The following ZNF362 variants were observed in gnomAD, a reference collection of about 807,000 sequenced individuals.
The protein encoded by ZNF362 is zinc finger protein 362.
In ZNF362, 11 loss-of-function variants were observed where a neutral mutation model predicts 42.9. The observed-to-expected ratio is 0.26, with a 90% confidence interval of 0.16 to 0.42. The LOEUF is 0.42. Ranked by LOEUF, ZNF362 falls within the 20% of genes least tolerant of loss-of-function variation. ZNF362 has a pLI of 1.00. For synonymous variants in ZNF362, 255 were observed against 257.3 expected (o/e 0.99, Z 0.09); for missense variants, 362 against 576.2 (o/e 0.63, Z 3.81).
chr1:33,127,884 G>A, the ZNF362 span, among the ~76,000 whole-genome samples: 80 of 152,128 alleles, frequency 5.3e-4, no homozygotes, highest in African/African-American at 1.8e-3. Flanking sequence ...TCAATTAATC[G>A]ACACAGGCCT....
At chr1:33,284,420 A>C (rs1646017803) in intron 6 of ZNF362, among the ~76,000 whole-genome samples, 1 of 152,270 alleles carries the variant, frequency 6.6e-6, no homozygotes, top group Non-Finnish European at 1.5e-5. Context: ...ATTCTTACAG[A>C]TCCTGTTTAC....
chr1:33,129,955 G>C, the ZNF362 span, among the ~76,000 whole-genome samples: 1 of 152,114 alleles, frequency 6.6e-6, no homozygotes, highest in Non-Finnish European at 1.5e-5. The surrounding 1 kb of genome is among the most constrained non-coding windows in gnomAD (Gnocchi z 4.1). Context: ...TGCCTCCCGG[G>C]TTCAAGCGAT....
At position 33,281,609 on chromosome 1, in the gene ZNF362, T is replaced by C; in HGVS notation, c.706T>C (p.Phe236Leu). Residue 236 changes from phenylalanine (F) to leucine (L), a missense_variant, in exon 6 of 9, where the codon TTT becomes CTT. Around this residue, in one of 3 missense-constraint regions of ZNF362, gnomAD observed 266 missense variants for 365.4 expected, o/e 0.73. Transcript: ENST00000539719. This position sits in a 1 kb window ranked among gnomAD's most constrained non-coding sequence, Gnocchi z 4.8. ...CAGGTGTAAGGTATGCCCACTGACC[T>C]TTTTCACCAAGTCAGAGATGCAGAT... The part of the protein sequence containing the change: ...TYRCKVCPLT[F>L]FTKSEMQIHS... The C allele has an allele frequency of 1.1e-5, 18 of 1,614,096 alleles. No homozygotes were observed. Among genetic ancestry groups the C allele is most frequent in the Non-Finnish European group, 1.5e-5 (18 of 1,179,976 alleles).
At chr1:33,248,307 C>T in the ZNF362 span, among the ~76,000 whole-genome samples, 1 of 152,222 alleles carries the variant, frequency 6.6e-6, no homozygotes. Flanking sequence ...CTCTGCCCTC[C>T]TGCCCATTTC....
intron 1 of ZNF362, among the ~76,000 whole-genome samples, chr1:33,264,360 T>C (rs1437867661): frequency 6.6e-6 from 1 of 152,140 alleles, no homozygotes; most frequent in African/African-American, 2.4e-5. Flanking sequence ...CTTTGGAATG[T>C]TGGGAAAGGC....
the ZNF362 span, among the ~76,000 whole-genome samples, chr1:33,150,079 C>T: frequency 6.6e-6 from 1 of 152,222 alleles, no homozygotes; most frequent in African/African-American, 2.4e-5. Context: ...ACTCTCTGCT[C>T]CCTGAGGGAG....
chr1:33,155,749 AG>A, the ZNF362 span, among the ~76,000 whole-genome samples: 1 of 152,210 alleles, frequency 6.6e-6, no homozygotes, highest in Non-Finnish European at 1.5e-5. Flanking sequence ...TCTCCTCTAA[AG>A]GACATCGTGC....
chr1:33,216,579 C>A, the ZNF362 span, among the ~76,000 whole-genome samples: 1 of 109,008 alleles, frequency 9.2e-6, no homozygotes, highest in African/African-American at 3.4e-5. Flanking sequence ...CAGCGTGGGC[C>A]ACAGAGCAAG....
chr1:33,165,752 G>A, the ZNF362 span: 8 of 433,298 alleles, frequency 1.8e-5, no homozygotes, highest in Admixed American at 4.3e-5. This position sits in a 1 kb window ranked among gnomAD's most constrained non-coding sequence, Gnocchi z 4.0. Context: ...TCCAGAACCC[G>A]TCCGTATCTT....
At chr1:33,250,607 G>T in the ZNF362 span, among the ~76,000 whole-genome samples, 2 of 152,182 alleles carry the variant, frequency 1.3e-5, no homozygotes, top group South Asian at 4.1e-4. Flanking sequence ...GGGAGGGAGA[G>T]CATCAGGAAG....
At chr1:33,167,177 T>A in the ZNF362 span, among the ~76,000 whole-genome samples, 1 of 152,210 alleles carries the variant, frequency 6.6e-6, no homozygotes, top group Non-Finnish European at 1.5e-5. This position sits in a 1 kb window ranked among gnomAD's most constrained non-coding sequence, Gnocchi z 4.2. Context: ...TTGAAGAGTC[T>A]TGCCTGACCG....
chr1:33,282,807 A>G (rs61799543), intron 6 of ZNF362, among the ~76,000 whole-genome samples: 5,800 of 145,652 alleles, frequency 0.04, 155 homozygotes, highest in Non-Finnish European at 0.058. Flanking sequence ...GGATGACAAG[A>G]GTGAAACTCT....
chr1:33,207,818 T>C, the ZNF362 span, among the ~76,000 whole-genome samples: 1 of 152,212 alleles, frequency 6.6e-6, no homozygotes, highest in East Asian at 1.9e-4. Context: ...ATAAATTTGT[T>C]TAAGTTCTTT....
chr1:33,230,371 AC>A, the ZNF362 span, among the ~76,000 whole-genome samples: 2 of 152,180 alleles, frequency 1.3e-5, no homozygotes, highest in African/African-American at 4.8e-5. Context: ...CCTCATACCC[AC>A]CCTATGAAGC....
chr1:33,152,356 C>T, the ZNF362 span, among the ~76,000 whole-genome samples: 2 of 152,046 alleles, frequency 1.3e-5, no homozygotes, highest in Middle Eastern at 3.2e-3. Context: ...ACCTGAGGTC[C>T]GGAGTTCGAG....
chr1:33,262,472 A>G (rs1464219460), intron 1 of ZNF362, among the ~76,000 whole-genome samples: 2 of 151,630 alleles, frequency 1.3e-5, no homozygotes, highest in Non-Finnish European at 2.9e-5. Flanking sequence ...ACGCCCAGCT[A>G]ATTTTTTTGT....
At chr1:33,272,062 T>C (rs1385386748) in intron 2 of ZNF362, among the ~76,000 whole-genome samples, 1 of 152,054 alleles carries the variant, frequency 6.6e-6, no homozygotes, top group Non-Finnish European at 1.5e-5. Context: ...TCCCGCTCTG[T>C]CCTGAGGAGC....
chr1:33,231,920 G>C, the ZNF362 span, among the ~76,000 whole-genome samples: 1 of 152,104 alleles, frequency 6.6e-6, no homozygotes. Context: ...CCCATCAGTA[G>C]GTGGGAACTG....
intron 2 of ZNF362, 104 bp from the exon 3 acceptor site, chr1:33,275,996 G>T: frequency 7.6e-7 from 1 of 1,317,902 alleles, no homozygotes; most frequent in East Asian, 2.3e-5. Flanking sequence ...CGGGGACATG[G>T]ATCCCAGACA....
Sources: allele counts gnomAD v4.1 joint callset (sites outside exome capture counted in the v4.1 genomes callset), GRCh38; gene constraint gnomAD v4.1.1; regional missense constraint gnomAD v4.1.1; non-coding constraint Gnocchi (gnomAD v3.1); transcripts MANE v1.5; gene names NCBI Gene and HGNC (gene_info 2026-07-23, HGNC 2026-07-21).